The following PSG1 variants were observed in gnomAD, a reference collection of about 807,000 sequenced individuals.
The protein encoded by PSG1 is pregnancy-specific beta-1-glycoprotein 1.
A neutral mutation model predicts 41.4 loss-of-function variants in PSG1; 60 were observed. That is an observed-to-expected ratio of 1.45 (90% CI 1.18 to 1.80). The LOEUF (loss-of-function observed/expected upper bound fraction) is 1.80, where lower values mean the gene tolerates loss of function less well. Ranked by LOEUF, PSG1 falls within the 40% of genes most tolerant of loss-of-function variation. The pLI, the probability that PSG1 is intolerant of heterozygous loss-of-function variation, is 0.00. For missense variants in PSG1, 806 were observed against 516.9 expected, an observed-to-expected ratio of 1.56 and a Z score of -5.42; for synonymous variants, 256 against 192.9, an observed-to-expected ratio of 1.33 and a Z score of -2.71.
chr19:42,877,373 C>T (rs8110746), intron 2 of PSG1, among the ~76,000 whole-genome samples: 53,329 of 151,058 alleles, frequency 0.35, 10,890 homozygotes, highest in African/African-American at 0.51. Context: ...GAGGGCTGAG[C>T]CCTGGCTGGT....
At position 42,878,188 on chromosome 19, in the gene PSG1, A is replaced by T. The variant is rs147604693; in HGVS notation, c.155T>A (p.Leu52His). ...PTKVSEGKDV[L>H]LLVHNLPQNL... ...CTGGGGCAAATTGTGGACAAGTAGAAGAACATCCTTCCCCTCGGAAACTTT... is the reference window on the plus strand; with the variant it reads ...CTGGGGCAAATTGTGGACAAGTAGATGAACATCCTTCCCCTCGGAAACTTT... Residue 52 changes from leucine (L) to histidine (H), a missense_variant, in exon 2 of 6, where the codon CTT becomes CAT. By Grantham distance (99) the Leu-to-His change is moderately conservative. Coordinates refer to ENST00000436291, the MANE Select transcript of PSG1 (RefSeq NM_001184825.2). 49 of 1,612,254 alleles carry T rather than the reference A, an allele frequency of 3.0e-5. No individual in the cohort carries two copies. The African/African-American group carries it at 5.1e-4, about 17-fold the overall frequency.
intron 2 of PSG1, among the ~76,000 whole-genome samples, chr19:42,875,299 T>G (rs1971556473): frequency 6.6e-6 from 1 of 151,746 alleles, no homozygotes; most frequent in Non-Finnish European, 1.5e-5. Flanking sequence ...GGACTGCCTT[T>G]GTAAAACTAG....
rs145877786 is a variant in PSG1, at chr19:42,874,378, G to A, written c.431-2333C>T. 1.1e-4 allele frequency among the ~76,000 whole-genome samples: 17 copies of A among 150,824 alleles called. No individual in the cohort carries two copies. The East Asian group carries it at 2.0e-3, about 17-fold the overall frequency. On this transcript the variant is annotated intron_variant, in intron 2 of 5. Transcript: ENST00000436291. The stretch of plus-strand genomic sequence containing the variant: ...TTTTTTTTTTCTGAGACAGAGTCTC[G>A]CTCTGTCACCCCGGCTGCAGTGCAG...
chr19:42,873,541 CT>C (rs1971482094), intron 2 of PSG1, among the ~76,000 whole-genome samples: 1 of 151,748 alleles, frequency 6.6e-6, no homozygotes, highest in Non-Finnish European at 1.5e-5. Flanking sequence ...GAAATTTTTA[CT>C]GATGGTCCAA....
rs1971717303 is a variant in PSG1 at position 42,878,425 on chromosome 19, A to T, written c.65-147T>A. On this transcript the variant is annotated intron_variant, in intron 1 of 5. Transcript: ENST00000436291. ...CATACAAACACACACACACACACAC[A>T]CACAAAAGCGGCATGTGTGATTGTG... 6.9e-6 allele frequency: 9 copies of T among 1,299,806 alleles called. 1 individual carries two copies. The Admixed American group carries it at 1.7e-4, about 25-fold the overall frequency. The allele number at this position is 1,299,806 out of a possible 1,614,324, so 80.5% of individuals were successfully genotyped here. A position where few individuals can be genotyped will look rare whatever the true frequency, so the allele number is the denominator to read the frequency against.
rs185727695 is a variant in PSG1, at chr19:42,866,829, G to C, written c.*305C>G. On this transcript the variant is annotated 3_prime_UTR_variant, in exon 6 of 6. Coordinates refer to ENST00000436291, the MANE Select transcript of PSG1 (RefSeq NM_001184825.2). ...CCTGCCAAGTGAAAGAGGCAGGCAT[G>C]AGCAAGGACAGTTAAGAGGGGGGAG... 9.3e-4 allele frequency: 555 copies of C among 595,912 alleles called. 11 individuals are homozygous for C. Among genetic ancestry groups the C allele is most frequent in the Non-Finnish European group, 1.4e-3 (472 of 332,906 alleles). 36.9% of individuals were successfully genotyped at this position (595,912 alleles called of 1,614,324 possible).
At chr19:42,878,722 A>G (rs1215130625) in intron 1 of PSG1, among the ~76,000 whole-genome samples, 2 of 148,760 alleles carry the variant, frequency 1.3e-5, no homozygotes, top group East Asian at 2.0e-4. Flanking sequence ...ACCTGACCTC[A>G]CATTCTAGAT....
intron 1 of PSG1, among the ~76,000 whole-genome samples, chr19:42,878,952 G>C (rs182747620): frequency 1.3e-5 from 2 of 150,894 alleles, no homozygotes; most frequent in African/African-American, 4.9e-5. Flanking sequence ...TTTTATTTGA[G>C]GTGTCATCTG....
chr19:42,866,852 G>C lies in PSG1; in HGVS notation c.*282C>G. 1.6e-6 allele frequency: 1 copy of C among 627,620 alleles called. No individual in the cohort carries two copies. The highest frequency in any genetic ancestry group is 1.8e-5 in the South Asian group (1 of 54,352). 38.9% of individuals were successfully genotyped at this position (627,620 alleles called of 1,614,324 possible). ...ATGAGCAAGGACAGTTAAGAGGGGGGAGAGCCTCATCATGATGGGGAGTCT... is the reference window on the plus strand; with the variant it reads ...ATGAGCAAGGACAGTTAAGAGGGGGCAGAGCCTCATCATGATGGGGAGTCT... On this transcript the variant is annotated 3_prime_UTR_variant, in exon 6 of 6. Coordinates refer to ENST00000436291, the MANE Select transcript of PSG1 (RefSeq NM_001184825.2).
intron 1 of PSG1, among the ~76,000 whole-genome samples, chr19:42,879,158 T>C (rs1971756394): frequency 1.7e-5 from 1 of 57,844 alleles, no homozygotes; most frequent in Admixed American, 1.8e-4. Flanking sequence ...TTCTTTTTTC[T>C]TTTTTTTTTT....
At chr19:42,877,620 T>G (rs1324809357) in intron 2 of PSG1, among the ~76,000 whole-genome samples, 2 of 151,650 alleles carry the variant, frequency 1.3e-5, no homozygotes, top group Non-Finnish European at 2.9e-5. Context: ...CAGGGTCAAA[T>G]TTATGAAGAG....
In PSG1 at chr19:42,877,407, C is replaced by G. The variant is rs889046145; in HGVS notation, c.430+506G>C. Among the ~76,000 whole-genome samples, 6 of 151,588 alleles carry G rather than the reference C, an allele frequency of 4.0e-5. 1 individual carries two copies. Among genetic ancestry groups the G allele is most frequent in the African/African-American group, 1.5e-4 (6 of 41,242 alleles). ...GTGAACAGCTCCAGGAGACACAGTC[C>G]TCTGACAGCTGGTAAATCCTTGGTC... On this transcript the variant is annotated intron_variant, in intron 2 of 5. Coordinates refer to ENST00000436291, the MANE Select transcript of PSG1 (RefSeq NM_001184825.2).
chr19:42,869,135 C>T lies in PSG1; in HGVS notation c.710-101G>A, dbSNP rs1427953750. 35 of 1,555,230 alleles carry T rather than the reference C, an allele frequency of 2.3e-5. 2 individuals are homozygous for T. Among genetic ancestry groups the T allele is most frequent in the African/African-American group, 5.5e-5 (4 of 72,976 alleles). Reference sequence around the variant, plus strand: ...GGCATCTCCCACCTCTCATTCCACCCGAGTCCTTGAAAGCCAATAGCTGGT... The same window carrying T: ...GGCATCTCCCACCTCTCATTCCACCTGAGTCCTTGAAAGCCAATAGCTGGT... On this transcript the variant is annotated intron_variant, in intron 3 of 5. Coordinates refer to ENST00000436291, the MANE Select transcript of PSG1 (RefSeq NM_001184825.2).
rs573900416 is a variant in PSG1, at chr19:42,878,525, C to G, written c.65-247G>C. Reference sequence around the variant, plus strand: ...CATGACGCCCATTCCTTCAACACTTCTGACGTTGGCATTTTTCTGTTTGGA... The same window carrying G: ...CATGACGCCCATTCCTTCAACACTTGTGACGTTGGCATTTTTCTGTTTGGA... On this transcript the variant is annotated intron_variant, in intron 1 of 5. Coordinates refer to ENST00000436291, the MANE Select transcript of PSG1 (RefSeq NM_001184825.2). 113 of 622,064 alleles carry G rather than the reference C, an allele frequency of 1.8e-4. 2 individuals are homozygous for G. Among genetic ancestry groups the G allele is most frequent in the South Asian group, 4.4e-4 (12 of 27,460 alleles). 38.5% of individuals were successfully genotyped at this position (622,064 alleles called of 1,614,324 possible).
chr19:42,877,895 T>G lies in PSG1; in HGVS notation c.430+18A>C, dbSNP rs575893441. ...ACCCCTGTCCCCCAACACCCAGGGA[T>G]CATGTGGAATCACTTACGGTGTAAG... On this transcript the variant is annotated intron_variant, in intron 2 of 5. Transcript: ENST00000436291. The G allele has an allele frequency of 3.1e-6, 5 of 1,611,920 alleles. No individual in the cohort carries two copies. In the African/African-American group the frequency reaches 6.7e-5, roughly 22 times the overall value.
At position 42,867,845 on chromosome 19, in the gene PSG1, C is replaced by T. The variant is rs887186055; in HGVS notation, c.1243+256G>A. ...ATAAAAATCATAAAAACATTATCTT[C>T]ATTATTATCAATTATTTCAATGAAA... On this transcript the variant is annotated intron_variant, in intron 5 of 5. Transcript: ENST00000436291. 4.0e-5 allele frequency: 52 copies of T among 1,305,894 alleles called. 1 individual carries two copies. Among genetic ancestry groups the T allele is most frequent in the Non-Finnish European group, 5.5e-5 (52 of 953,246 alleles). 80.9% of individuals were successfully genotyped at this position (1,305,894 alleles called of 1,614,324 possible).
In PSG1 at chr19:42,866,597, C is replaced by T. The variant is rs867319397; in HGVS notation, c.*537G>A. On this transcript the variant is annotated 3_prime_UTR_variant, in exon 6 of 6. Transcript: ENST00000436291. ...GGGACTCTATTATAATTTCAGCTTTCCTACGTCTTCATACAAACCATCTTC... is the reference window on the plus strand; with the variant it reads ...GGGACTCTATTATAATTTCAGCTTTTCTACGTCTTCATACAAACCATCTTC... 4.8e-6 allele frequency: 1 copy of T among 209,758 alleles called. No homozygotes were observed. The highest frequency in any genetic ancestry group is 9.7e-6 in the Non-Finnish European group (1 of 103,588). The allele number at this position is 209,758 out of a possible 1,614,324, so 13.0% of individuals were successfully genotyped here. A position where few individuals can be genotyped will look rare whatever the true frequency, so the allele number is the denominator to read the frequency against.
Position 42,879,487 on chromosome 19 carries a change from C to T in PSG1, c.64+31G>A, listed in dbSNP as rs765373513. ...CCATCCAGTCACTCTGCTTCCTCCT[C>T]CTGTCCTCTCCCAGGAAGTTCTCTC... On this transcript the variant is annotated intron_variant, in intron 1 of 5. Coordinates refer to ENST00000436291, the MANE Select transcript of PSG1 (RefSeq NM_001184825.2). 37 of 1,606,362 alleles carry T rather than the reference C, an allele frequency of 2.3e-5. 6 individuals are homozygous for T. The highest frequency in any genetic ancestry group is 6.7e-5 in the East Asian group (3 of 44,488).
chr19:42,873,748 A>C (rs990642074), intron 2 of PSG1, among the ~76,000 whole-genome samples: 1 of 151,630 alleles, frequency 6.6e-6, no homozygotes, highest in Non-Finnish European at 1.5e-5. Context: ...ATAAAGGGAG[A>C]AAGGATGTCA....
Sources: allele counts gnomAD v4.1 joint callset (sites outside exome capture counted in the v4.1 genomes callset), GRCh38; gene constraint gnomAD v4.1.1; transcripts MANE v1.5; gene names NCBI Gene and HGNC (gene_info 2026-07-23, HGNC 2026-07-21).